The following SLC25A13 variants were observed in gnomAD, a reference collection of about 807,000 sequenced individuals.
SLC25A13 encodes electrogenic aspartate/glutamate antiporter SLC25A13, mitochondrial.
Under a neutral mutation model 85.5 loss-of-function variants are expected in SLC25A13, and 70 were observed. The ratio of observed to expected loss-of-function variants is 0.82; its 90% CI spans 0.68 to 1.00. The LOEUF is 1.00. SLC25A13 is among the 50% of genes least tolerant of loss of function. The probability of loss-of-function intolerance (pLI) is 0.00; values close to 1 mark genes in which losing one functional copy is unlikely to be tolerated. For synonymous variants in SLC25A13, 259 were observed against 288.7 expected (o/e 0.90, Z 1.04); for missense variants, 765 against 819.8 (o/e 0.93, Z 0.82).
At chr7:96,306,767 T>C in intron 1 of SLC25A13, 1 of 1,193,038 alleles carries the variant, frequency 8.4e-7, no homozygotes, top group East Asian at 2.4e-5. Context: ...TTGTTCTTTT[T>C]GCCCTCTGAT....
At chr7:96,222,675 A>T (rs1584475990) in intron 4 of SLC25A13, among the ~76,000 whole-genome samples, 1 of 151,754 alleles carries the variant, frequency 6.6e-6, no homozygotes, top group Non-Finnish European at 1.5e-5. Context: ...CGATCTCTTG[A>T]CCTTGTGATC....
intron 3 of SLC25A13, among the ~76,000 whole-genome samples, chr7:96,265,937 C>T (rs116543920): frequency 3.3e-5 from 5 of 152,252 alleles, no homozygotes; most frequent in African/African-American, 1.2e-4. Flanking sequence ...CAGATTCCCT[C>T]AAGCCTCCTT....
Position 96,184,956 on chromosome 7 carries a change from T to G in SLC25A13, c.989A>C (p.Tyr330Ser). The change falls in exon 10 of 18, where the codon TAC becomes TCC. Residue 330 changes from tyrosine to serine, a missense_variant. Transcript: ENST00000265631. ...AGCAACAGAACCCAGACCAAACCTG[T>G]AGGCCGACTCTGCAACTTGTAGAAG... ...PVLLQVAESAYRFGLGSVAGA... is the reference protein window; with the variant it reads ...PVLLQVAESASRFGLGSVAGA... The G allele has an allele frequency of 6.2e-7, 1 of 1,614,206 alleles. No individual in the cohort carries two copies. The highest frequency in any genetic ancestry group is 1.7e-5 in the Admixed American group (1 of 60,024).
intron 1 of SLC25A13, among the ~76,000 whole-genome samples, chr7:96,309,006 G>C (rs1297393192): frequency 1.3e-5 from 2 of 152,180 alleles, no homozygotes; most frequent in Non-Finnish European, 2.9e-5. Flanking sequence ...TTCTGGAACT[G>C]AGCTGGGAGG....
intron 5 of SLC25A13, among the ~76,000 whole-genome samples, chr7:96,203,004 C>T (rs1281238877): frequency 6.6e-6 from 1 of 152,156 alleles, no homozygotes; most frequent in Non-Finnish European, 1.5e-5. Context: ...CCAACTGAGA[C>T]CACAGTTGTT....
At chr7:96,274,676 A>G (rs1383536646) in intron 3 of SLC25A13, among the ~76,000 whole-genome samples, 2 of 152,056 alleles carry the variant, frequency 1.3e-5, no homozygotes, top group Non-Finnish European at 2.9e-5. Context: ...ATCTTGAATT[A>G]ATTTTTGTAT....
intron 1 of SLC25A13, among the ~76,000 whole-genome samples, chr7:96,300,685 C>T (rs751543883): frequency 6.6e-6 from 1 of 152,162 alleles, no homozygotes; most frequent in Non-Finnish European, 1.5e-5. Context: ...TACCCTACCC[C>T]CAACCCAGAG....
intron 3 of SLC25A13, among the ~76,000 whole-genome samples, chr7:96,255,026 C>CTA (rs1231371264): frequency 3.3e-5 from 5 of 151,988 alleles, no homozygotes; most frequent in African/African-American, 4.8e-5. Flanking sequence ...ATGAACCTCC[C>CTA]TATATATATA....
At chr7:96,172,757 G>A (rs1584408151) in intron 11 of SLC25A13, among the ~76,000 whole-genome samples, 1 of 151,624 alleles carries the variant, frequency 6.6e-6, no homozygotes, top group African/African-American at 2.4e-5. Flanking sequence ...GAGGACAAGC[G>A]CCAGTTTGTA....
At chr7:96,125,496 T>G (rs1335014245) in intron 15 of SLC25A13, among the ~76,000 whole-genome samples, 2 of 152,148 alleles carry the variant, frequency 1.3e-5, no homozygotes, top group African/African-American at 4.8e-5. Context: ...CCCTCCTGAG[T>G]GTTAGTGTGC....
chr7:96,258,569 A>G (rs1797727792), intron 3 of SLC25A13, among the ~76,000 whole-genome samples: 1 of 152,232 alleles, frequency 6.6e-6, no homozygotes, highest in Non-Finnish European at 1.5e-5. Context: ...AAGAGAGGAC[A>G]CAAACAAATG....
intron 3 of SLC25A13, among the ~76,000 whole-genome samples, chr7:96,253,902 G>A (rs974399538): frequency 6.6e-6 from 1 of 152,160 alleles, no homozygotes; most frequent in African/African-American, 2.4e-5. Context: ...AATTATAAAT[G>A]TATATGCTTA....
chr7:96,293,740 A>C (rs1179981814), intron 2 of SLC25A13, among the ~76,000 whole-genome samples: 1 of 152,198 alleles, frequency 6.6e-6, no homozygotes, highest in Non-Finnish European at 1.5e-5. Context: ...ATACCATCTC[A>C]CACCAGTTAG....
chr7:96,180,896 G>A (rs1562820623), intron 11 of SLC25A13, among the ~76,000 whole-genome samples: 1 of 152,166 alleles, frequency 6.6e-6, no homozygotes, highest in Non-Finnish European at 1.5e-5. Flanking sequence ...AAGTTGTCAG[G>A]TAATTCATTA....
chr7:96,171,255 G>A (rs1422307545), intron 12 of SLC25A13, among the ~76,000 whole-genome samples: 1 of 152,160 alleles, frequency 6.6e-6, no homozygotes, highest in African/African-American at 2.4e-5. Flanking sequence ...AACAATGATG[G>A]CAGCAACCAC....
intron 3 of SLC25A13, among the ~76,000 whole-genome samples, chr7:96,263,737 A>G (rs1306818179): frequency 6.6e-6 from 1 of 152,106 alleles, no homozygotes; most frequent in Non-Finnish European, 1.5e-5. Context: ...CTGATCCTTC[A>G]AACACTAAGG....
intron 1 of SLC25A13, among the ~76,000 whole-genome samples, chr7:96,303,256 A>G (rs907534987): frequency 2.6e-5 from 4 of 152,130 alleles, no homozygotes; most frequent in Non-Finnish European, 5.9e-5. Context: ...ACAGACTTAC[A>G]CTGAAAATTC....
intron 12 of SLC25A13, among the ~76,000 whole-genome samples, chr7:96,170,739 A>G (rs143019047): frequency 9.5e-4 from 145 of 152,360 alleles, no homozygotes; most frequent in African/African-American, 3.4e-3. Flanking sequence ...TCTCAAGGTC[A>G]CATAACAAAA....
chr7:96,241,500 T>C (rs1796997055), intron 3 of SLC25A13, among the ~76,000 whole-genome samples: 1 of 152,194 alleles, frequency 6.6e-6, no homozygotes, highest in Non-Finnish European at 1.5e-5. Context: ...TGGTAGTAAG[T>C]AAAAAGTCAT....
Sources: gnomAD v4.1 joint callset for allele counts (sites outside exome capture counted in the v4.1 genomes callset) on GRCh38, gnomAD v4.1.1 for gene constraint, MANE v1.5 for transcripts, NCBI Gene and HGNC (gene_info 2026-07-23, HGNC 2026-07-21) for gene names.